Variants in ARHGAP25 observed in about 807,000 individuals in gnomAD.
The protein encoded by ARHGAP25 is Rho GTPase activating protein 25, also known as rho GTPase-activating protein 25.
In ARHGAP25, 34 loss-of-function variants were observed where a neutral mutation model predicts 71.0. The observed-to-expected ratio is 0.48, with a 90% confidence interval of 0.36 to 0.64. ARHGAP25 has a LOEUF of 0.64. Among genes scored for constraint, ARHGAP25 ranks in the 30% least tolerant of loss-of-function variants. ARHGAP25 has a pLI of 0.00. For synonymous variants in ARHGAP25, 282 were observed against 296.5 expected (o/e 0.95, Z 0.50); for missense variants, 706 against 805.1 (o/e 0.88, Z 1.49).
At chr2:68,809,712 G>A (rs1335600083) in intron 5 of ARHGAP25, among the ~76,000 whole-genome samples, 1 of 152,140 alleles carries the variant, frequency 6.6e-6, no homozygotes, top group Non-Finnish European at 1.5e-5. Flanking sequence ...AGAGCAAGGA[G>A]CTCCCTCTTG....
chr2:68,820,991 C>T (rs1181903529), intron 9 of ARHGAP25, among the ~76,000 whole-genome samples: 2 of 151,906 alleles, frequency 1.3e-5, no homozygotes, highest in Admixed American at 6.6e-5. Context: ...ACAGCTACCT[C>T]ATATGACCTC....
chr2:68,755,165 G>T (rs1315342498), intron 1 of ARHGAP25, among the ~76,000 whole-genome samples: 1 of 151,984 alleles, frequency 6.6e-6, no homozygotes, highest in African/African-American at 2.4e-5. Flanking sequence ...TGAGTCTTTT[G>T]TTCAACTCCT....
At chr2:68,746,344 T>C (rs560235064) in intron 1 of ARHGAP25, among the ~76,000 whole-genome samples, 84 of 152,138 alleles carry the variant, frequency 5.5e-4, no homozygotes, top group Non-Finnish European at 1.1e-3. Flanking sequence ...GGGGCCTCCA[T>C]TGGAAACATG....
chr2:68,735,956 T>C (rs148636492), intron 1 of ARHGAP25, among the ~76,000 whole-genome samples: 60 of 152,340 alleles, frequency 3.9e-4, no homozygotes, highest in African/African-American at 1.4e-3. Flanking sequence ...ATCTATATAT[T>C]CGTTATGAAG....
At chr2:68,791,835 C>T (rs373754978) in intron 4 of ARHGAP25, among the ~76,000 whole-genome samples, 11 of 152,230 alleles carry the variant, frequency 7.2e-5, no homozygotes, top group African/African-American at 2.6e-4. Context: ...CAGGGCTCCT[C>T]CTGCCTGTAG....
Position 68,822,542 on chromosome 2 carries a change from A to G in ARHGAP25, c.1403A>G (p.Asn468Ser). ...ANSSKMEIFKNEFWSPSSEAK... is the reference protein window; with the variant it reads ...ANSSKMEIFKSEFWSPSSEAK... ...AGCAGCAAAATGGAGATCTTTAAAAATGAATTCTGGTCGCCTTCCTCAGAG... is the reference window on the plus strand; with the variant it reads ...AGCAGCAAAATGGAGATCTTTAAAAGTGAATTCTGGTCGCCTTCCTCAGAG... Residue 468 changes from asparagine (N) to serine (S), a missense_variant, in exon 10 of 11, where the codon AAT (asparagine) becomes AGT (serine). Physicochemically the swap from Asn to Ser is conservative, Grantham distance 46 (BLOSUM62 1). Transcript: ENST00000409202. 2 of 1,614,234 alleles carry G rather than the reference A, an allele frequency of 1.2e-6. No individual in the cohort carries two copies. The highest frequency in any genetic ancestry group is 1.7e-6 in the Non-Finnish European group (2 of 1,180,044).
At chr2:68,749,205 CA>C (rs1429191352) in intron 1 of ARHGAP25, among the ~76,000 whole-genome samples, 1 of 152,150 alleles carries the variant, frequency 6.6e-6, no homozygotes, top group South Asian at 2.1e-4. Flanking sequence ...AAGGGTTCCA[CA>C]CTGAATTTGT....
At chr2:68,802,145 C>T (rs936798333) in intron 4 of ARHGAP25, among the ~76,000 whole-genome samples, 1 of 152,230 alleles carries the variant, frequency 6.6e-6, no homozygotes, top group Admixed American at 6.5e-5. Context: ...CGCGGTGGCT[C>T]ATGCCTGTAA....
chr2:68,736,183 G>A (rs1675211843), intron 1 of ARHGAP25, among the ~76,000 whole-genome samples: 2 of 152,162 alleles, frequency 1.3e-5, no homozygotes, highest in African/African-American at 4.8e-5. Context: ...GGTTAAGTGT[G>A]CTACTAAAAT....
chr2:68,821,061 C>T (rs1277930708), intron 9 of ARHGAP25, among the ~76,000 whole-genome samples: 2 of 150,718 alleles, frequency 1.3e-5, no homozygotes, highest in Non-Finnish European at 3.0e-5. Context: ...TATAGATGAA[C>T]ACACTGCCTT....
chr2:68,778,209 A>T (rs1276275044), intron 2 of ARHGAP25, among the ~76,000 whole-genome samples: 1 of 152,214 alleles, frequency 6.6e-6, no homozygotes, highest in Non-Finnish European at 1.5e-5. Context: ...AACTTATATT[A>T]GGCTACATTT....
At chr2:68,752,772 A>C (rs1003240266) in intron 1 of ARHGAP25, among the ~76,000 whole-genome samples, 1 of 152,154 alleles carries the variant, frequency 6.6e-6, no homozygotes, top group Non-Finnish European at 1.5e-5. Flanking sequence ...TTCCTGAGCC[A>C]TGATTTCCAA....
intron 2 of ARHGAP25, among the ~76,000 whole-genome samples, chr2:68,727,798 A>G (rs58632068): frequency 0.036 from 5,500 of 152,340 alleles, 329 homozygotes; most frequent in African/African-American, 0.12. Flanking sequence ...CCATCATGGT[A>G]ATGAGGGATG....
chr2:68,807,931 C>T (rs1034574630), intron 5 of ARHGAP25, among the ~76,000 whole-genome samples: 20 of 152,162 alleles, frequency 1.3e-4, no homozygotes, highest in African/African-American at 4.6e-4. Flanking sequence ...TGGCTAGAAC[C>T]AGGACTTCTT....
At position 68,814,321 on chromosome 2, in the gene ARHGAP25, C is replaced by T. The variant is rs149418572; in HGVS notation, c.807+902C>T. Among the ~76,000 whole-genome samples, 589 of 152,234 alleles carry T rather than the reference C, an allele frequency of 3.9e-3. 4 individuals carry two copies. The highest frequency in any genetic ancestry group is 0.013 in the African/African-American group (553 of 41,536). On this transcript the variant is annotated intron_variant, in intron 6 of 10. Coordinates refer to ENST00000409202, the MANE Select transcript of ARHGAP25 (RefSeq NM_001007231.3). ...TAATGGAACTTTTATATATCTGCAC[C>T]GTTCAATATGGTGACCACCAGCCAC...
In ARHGAP25 at chr2:68,735,135, C is replaced by G; in HGVS notation, c.-65C>G. 1 of 1,356,536 alleles carries G rather than the reference C, an allele frequency of 7.4e-7. No individual in the cohort carries two copies. Among genetic ancestry groups the G allele is most frequent in the South Asian group, 1.2e-5 (1 of 85,802 alleles). 84.0% of individuals were successfully genotyped at this position (1,356,536 alleles called of 1,614,324 possible). A position where few individuals can be genotyped will look rare whatever the true frequency, so the allele number is the denominator to read the frequency against. Reference sequence around the variant, plus strand: ...AAAACAGAGGGAAAGAGTGAAAAGACAAGAAGGGCGCAAACTGTGACAGAC... The same window carrying G: ...AAAACAGAGGGAAAGAGTGAAAAGAGAAGAAGGGCGCAAACTGTGACAGAC... On this transcript the variant is annotated 5_prime_UTR_variant, in exon 1 of 11. Transcript: ENST00000409202.
chr2:68,793,090 C>T (rs1395109613), intron 4 of ARHGAP25, among the ~76,000 whole-genome samples: 1 of 152,014 alleles, frequency 6.6e-6, no homozygotes. Flanking sequence ...AAATTGTCTG[C>T]TCATGTCCTT....
chr2:68,775,215 C>T lies in ARHGAP25; in HGVS notation c.62-6C>T. ...GGTCAGTCGGCCTGTCTGTTCCTCT[C>T]TATAGCTCGGTCAAGGAGTGTGATG... On this transcript the variant is annotated splice_region_variant and splice_polypyrimidine_tract_variant and intron_variant, in intron 1 of 10. Coordinates refer to ENST00000409202, the MANE Select transcript of ARHGAP25 (RefSeq NM_001007231.3). 6.2e-7 allele frequency: 1 copy of T among 1,614,264 alleles called. No individual in the cohort carries two copies. The highest frequency in any genetic ancestry group is 8.5e-7 in the Non-Finnish European group (1 of 1,180,052).
At chr2:68,779,883 C>A (rs577748044) in intron 2 of ARHGAP25, among the ~76,000 whole-genome samples, 1 of 152,346 alleles carries the variant, frequency 6.6e-6, no homozygotes, top group South Asian at 2.1e-4. Context: ...GAAGTTCAAG[C>A]CTCTCATGCT....
Sources: allele counts gnomAD v4.1 joint callset (sites outside exome capture counted in the v4.1 genomes callset), GRCh38; gene constraint gnomAD v4.1.1; transcripts MANE v1.5; gene names NCBI Gene and HGNC (gene_info 2026-07-23, HGNC 2026-07-21).